ANK3: variants seen among roughly 807,000 people sequenced by gnomAD.
ANK3 encodes ankyrin-3.
In ANK3, 57 loss-of-function variants were observed where a neutral mutation model predicts 370.9. The ratio of observed to expected loss-of-function variants is 0.15; its 90% confidence interval spans 0.12 to 0.19. The LOEUF (loss-of-function observed/expected upper bound fraction) is 0.19. ANK3 is among the 10% of genes least tolerant of loss of function. The pLI, the probability that ANK3 is intolerant of heterozygous loss-of-function variation, is 1.00. For synonymous variants in ANK3, 1,929 were observed against 1,946.3 expected, an observed-to-expected ratio of 0.99 and a Z score of 0.23; for missense variants, 4,439 against 5,302.1, an observed-to-expected ratio of 0.84 and a Z score of 5.06.
chr10:60,073,590 A>T lies in ANK3; in HGVS notation c.7291T>A (p.Ser2431Thr), dbSNP rs1439284166. The T allele has an allele frequency of 6.2e-7, 1 of 1,613,934 alleles. No individual in the cohort carries two copies. Among genetic ancestry groups the T allele is most frequent in the African/African-American group, 1.3e-5 (1 of 74,902 alleles). Residue 2431 changes from serine to threonine, a missense_variant, in exon 37 of 44, where the codon TCT becomes ACT. Transcript: ENST00000280772. Reference protein sequence around the residue: ...DSRPSSAQLISDDSYKTLKLL... With the variant: ...DSRPSSAQLITDDSYKTLKLL... ...TTCAATGTTTTATAAGAGTCATCAG[A>T]TATGAGTTGAGCAGAACTAGGGCGG...
intron 1 of ANK3, among the ~76,000 whole-genome samples, chr10:60,382,492 C>A (rs905202710): frequency 6.6e-6 from 1 of 152,136 alleles, no homozygotes; most frequent in Admixed American, 6.6e-5. Context: ...GCACCTCCCA[C>A]ATTTGACAAT....
intron 4 of ANK3, 113 bp from the exon 5 acceptor site, chr10:60,270,342 T>C: frequency 2.0e-6 from 1 of 505,768 alleles, no homozygotes; most frequent in Admixed American, 4.0e-5. Context: ...ACTTTAATAA[T>C]ACTTTCATAT....
At chr10:60,200,009 T>C (rs1253767776) in intron 13 of ANK3, 120 bp downstream of exon 13, 6 of 695,476 alleles carry the variant, frequency 8.6e-6, no homozygotes, top group Middle Eastern at 2.7e-4. Context: ...ACTTTTATCA[T>C]TGGAGGTTTT....
chr10:60,402,330 T>C (rs1285752817), intron 2 of ANK3, among the ~76,000 whole-genome samples: 2 of 152,192 alleles, frequency 1.3e-5, no homozygotes, highest in African/African-American at 4.8e-5. Flanking sequence ...GTAAATGGTT[T>C]TGATGAGACA....
At chr10:60,506,133 T>A (rs573593180) in intron 2 of ANK3, among the ~76,000 whole-genome samples, 14 of 152,086 alleles carry the variant, frequency 9.2e-5, no homozygotes, top group African/African-American at 3.4e-4. Flanking sequence ...CTGATGAGAG[T>A]GCTCACTGAT....
intron 43 of ANK3, among the ~76,000 whole-genome samples, chr10:60,038,139 G>A (rs1399324998): frequency 5.3e-5 from 8 of 152,212 alleles, no homozygotes; most frequent in South Asian, 4.1e-4. Flanking sequence ...GCTCACGCCC[G>A]TAATTCAAGC....
In ANK3 at chr10:60,075,387, G is replaced by T. The variant is rs759504906; in HGVS notation, c.5494C>A (p.Pro1832Thr). The T allele has an allele frequency of 3.7e-6, 6 of 1,613,774 alleles. No homozygotes were observed. The African/African-American group carries it at 8.0e-5, about 22-fold the overall frequency. ...VPVYSVVNVL[P>T]EPALKKLPDS... The stretch of plus-strand genomic sequence containing the variant: ...GGAAGTTTCTTTAATGCTGGTTCTG[G>T]CAAAACATTGACTACAGAGTATACT... The change falls in exon 37 of 44, where the codon CCA becomes ACA. Residue 1832 changes from proline (P) to threonine (T), a missense_variant. Pro to Thr is a conservative substitution (Grantham distance 38, BLOSUM62 -1). Coordinates refer to ENST00000280772, the MANE Select transcript of ANK3 (RefSeq NM_020987.5).
chr10:60,573,036 C>T (rs988844629), intron 2 of ANK3: 9 of 986,236 alleles, frequency 9.1e-6, no homozygotes, highest in Non-Finnish European at 1.1e-5. Flanking sequence ...AATTGCTCTC[C>T]GTGCTGCTAG....
chr10:60,608,244 G>T (rs2078154054), intron 2 of ANK3, among the ~76,000 whole-genome samples: 1 of 152,084 alleles, frequency 6.6e-6, no homozygotes, highest in Non-Finnish European at 1.5e-5. Context: ...CTTTACTCTT[G>T]TTTTTTACTG....
chr10:60,238,878 C>T (rs183442059), intron 7 of ANK3, among the ~76,000 whole-genome samples: 1 of 152,026 alleles, frequency 6.6e-6, no homozygotes, highest in Admixed American at 6.5e-5. Flanking sequence ...CTCCTACACA[C>T]AATATCCAGT....
intron 1 of ANK3, among the ~76,000 whole-genome samples, chr10:60,303,383 T>A (rs1265249007): frequency 6.6e-6 from 1 of 152,156 alleles, no homozygotes; most frequent in Non-Finnish European, 1.5e-5. Context: ...CAACCCAATT[T>A]AAAAAATGGG....
chr10:60,518,733 T>C (rs1386623770), intron 2 of ANK3, among the ~76,000 whole-genome samples: 4 of 152,162 alleles, frequency 2.6e-5, no homozygotes, highest in Non-Finnish European at 5.9e-5. Context: ...CTAATTAACT[T>C]TAATGACAGG....
rs754817927 is a variant in ANK3, at chr10:60,056,033, A to C, written c.12690T>G (p.Pro4230=). ...AGGTAATGGAATCTCTACACTGGTC[A>C]GGGCTGCAACAGAAAATTTGCAAAT... ...GGLLDRLDDS[P]DQCRDSITSY... is the part of the protein sequence containing the mutation. Residue 4230 remains proline, a synonymous_variant, in exon 42 of 44, where the codon CCT becomes CCG. Coordinates refer to ENST00000280772, the MANE Select transcript of ANK3 (RefSeq NM_020987.5). 6.3e-7 allele frequency: 1 copy of C among 1,598,716 alleles called. No homozygotes were observed. Among genetic ancestry groups the C allele is most frequent in the Non-Finnish European group, 8.5e-7 (1 of 1,174,936 alleles).
chr10:60,690,763 G>A (rs960706346), intron 1 of ANK3, among the ~76,000 whole-genome samples: 2 of 152,180 alleles, frequency 1.3e-5, no homozygotes, highest in Non-Finnish European at 2.9e-5. Flanking sequence ...TCCTTTGAGT[G>A]ATTTAACCAA....
chr10:60,118,492 A>G (rs894350382), intron 25 of ANK3, among the ~76,000 whole-genome samples: 2 of 152,180 alleles, frequency 1.3e-5, no homozygotes, highest in African/African-American at 4.8e-5. Flanking sequence ...AAAGCAATAA[A>G]CCATTTAGGA....
chr10:60,566,462 A>C (rs531419663), intron 2 of ANK3, among the ~76,000 whole-genome samples: 2 of 152,338 alleles, frequency 1.3e-5, no homozygotes, highest in East Asian at 1.9e-4. Context: ...TTATGAATGC[A>C]AAAAGCAAGT....
chr10:60,318,107 A>C (rs575550644), intron 1 of ANK3, among the ~76,000 whole-genome samples: 2 of 152,218 alleles, frequency 1.3e-5, no homozygotes, highest in Admixed American at 1.3e-4. Flanking sequence ...TAATTTGTAA[A>C]ATTTTAAGTT....
chr10:60,142,212 C>T (rs1301581816), intron 23 of ANK3, among the ~76,000 whole-genome samples: 1 of 152,094 alleles, frequency 6.6e-6, no homozygotes, highest in African/African-American at 2.4e-5. Flanking sequence ...TTTTTCAGTC[C>T]CTAGAAGTCC....
chr10:60,067,276 T>G (rs1047274129), intron 38 of ANK3, among the ~76,000 whole-genome samples: 7 of 152,248 alleles, frequency 4.6e-5, no homozygotes, highest in African/African-American at 7.2e-5. Flanking sequence ...ATTTAAAAAT[T>G]TTTAATTCAA....
Sources: gnomAD v4.1 joint callset for allele counts (sites outside exome capture counted in the v4.1 genomes callset) on GRCh38, gnomAD v4.1.1 for gene constraint, MANE v1.5 for transcripts, NCBI Gene and HGNC (gene_info 2026-07-23, HGNC 2026-07-21) for gene names.